The following SOX6 variants were observed in gnomAD, a reference collection of about 807,000 sequenced individuals.
SOX6 encodes the protein transcription factor SOX-6.
SOX6 carries 11 observed loss-of-function variants against 97.8 expected under a neutral mutation model. The observed-to-expected ratio is 0.11, with a 90% CI of 0.07 to 0.19. The LOEUF (loss-of-function observed/expected upper bound fraction) is 0.19, where lower values mean the gene tolerates loss of function less well. Among genes scored for constraint, SOX6 ranks in the 10% least tolerant of loss-of-function variants. The pLI, the probability that SOX6 is intolerant of heterozygous loss-of-function variation, is 1.00. For synonymous variants in SOX6, 360 were observed against 371.4 expected, an observed-to-expected ratio of 0.97 and a Z score of 0.35; for missense variants, 810 against 1,039.5, an observed-to-expected ratio of 0.78 and a Z score of 3.04.
At chr11:16,253,374 A>C (rs922842204) in intron 3 of SOX6, among the ~76,000 whole-genome samples, 2 of 152,020 alleles carry the variant, frequency 1.3e-5, no homozygotes, top group Non-Finnish European at 2.9e-5. Flanking sequence ...CTGAACAAGC[A>C]TCAGAGCCAG....
chr11:16,423,669 C>G (rs1195964953), intron 1 of SOX6, among the ~76,000 whole-genome samples: 1 of 152,032 alleles, frequency 6.6e-6, no homozygotes, highest in East Asian at 1.9e-4. Flanking sequence ...AAATGGTAAA[C>G]TTGCTGAATT....
Position 16,174,481 on chromosome 11 carries a change from C to T in SOX6, c.777+9405G>A, listed in dbSNP as rs537142047. On this transcript the variant is annotated intron_variant, in intron 6 of 15. Transcript: ENST00000683767. ...TACAAGTAAAAATCCATGACTCTAACATTAATAACTTTGAGTGGGAAGTTA... is the reference window on the plus strand; with the variant it reads ...TACAAGTAAAAATCCATGACTCTAATATTAATAACTTTGAGTGGGAAGTTA... Among the ~76,000 whole-genome samples, 15 of 152,012 alleles carry T rather than the reference C, an allele frequency of 9.9e-5. No individual in the cohort carries two copies. In the South Asian group the frequency reaches 1.7e-3, roughly 17 times the overall value.
intron 3 of SOX6, among the ~76,000 whole-genome samples, chr11:16,295,220 C>G (rs938133853): frequency 1.3e-5 from 2 of 152,084 alleles, no homozygotes; most frequent in East Asian, 3.9e-4. Context: ...GAAAGTTCTA[C>G]GAGACTTATT....
intron 3 of SOX6, among the ~76,000 whole-genome samples, chr11:16,270,806 T>C (rs886495138): frequency 1.3e-5 from 2 of 151,488 alleles, no homozygotes; most frequent in Non-Finnish European, 1.5e-5. Flanking sequence ...CCTAGTCATA[T>C]CTAGAATAAG....
intron 2 of SOX6, among the ~76,000 whole-genome samples, chr11:16,333,211 G>A (rs77393580): frequency 4.0e-4 from 61 of 152,248 alleles, no homozygotes; most frequent in Admixed American, 1.8e-3. Flanking sequence ...AATATGCTGC[G>A]TATCACAGTT....
chr11:16,429,672 A>G (rs1859229705), intron 1 of SOX6, among the ~76,000 whole-genome samples: 1 of 152,000 alleles, frequency 6.6e-6, no homozygotes, highest in Admixed American at 6.6e-5. Flanking sequence ...ACTGGGGCCT[A>G]TCAGAGGGTG....
intron 3 of SOX6, among the ~76,000 whole-genome samples, chr11:16,243,325 A>G (rs1235866093): frequency 1.3e-5 from 2 of 151,954 alleles, no homozygotes; most frequent in Non-Finnish European, 2.9e-5. Context: ...TCAAGTTTAT[A>G]CCACAATACG....
chr11:16,665,876 A>G (rs781019484), intron 3 of SOX6, among the ~76,000 whole-genome samples: 1 of 152,214 alleles, frequency 6.6e-6, no homozygotes, highest in Non-Finnish European at 1.5e-5. Context: ...ATAAGGAAAA[A>G]GAACAAGTGT....
At chr11:16,476,437 T>G (rs1368744050), upstream of SOX6, 1 of 152,174 alleles carries the variant, frequency 6.6e-6, no homozygotes, top group African/African-American at 2.4e-5. Flanking sequence ...TAAATTGCAT[T>G]TATATGCTTT....
intron 3 of SOX6, among the ~76,000 whole-genome samples, chr11:16,310,502 A>G (rs1855568520): frequency 6.6e-6 from 1 of 152,074 alleles, no homozygotes; most frequent in South Asian, 2.1e-4. Flanking sequence ...ATATGATACA[A>G]ATTTTTTAAA....
At chr11:16,430,269 C>A (rs1436864796) in intron 1 of SOX6, among the ~76,000 whole-genome samples, 1 of 152,152 alleles carries the variant, frequency 6.6e-6, no homozygotes, top group Non-Finnish European at 1.5e-5. Context: ...GAAGACTTAC[C>A]TAACTAGGTC....
At chr11:16,571,425 T>G (rs531146355) in intron 4 of SOX6, among the ~76,000 whole-genome samples, 6 of 152,172 alleles carry the variant, frequency 3.9e-5, no homozygotes, top group Non-Finnish European at 5.9e-5. Flanking sequence ...TGTTTGTTTA[T>G]TTCTGTTTTT....
chr11:16,441,864 A>G (rs1214923080), intron 1 of SOX6, among the ~76,000 whole-genome samples: 1 of 152,184 alleles, frequency 6.6e-6, no homozygotes. Context: ...ATCCTTAATA[A>G]CTGAAGACAT....
intron 3 of SOX6, among the ~76,000 whole-genome samples, chr11:16,286,232 G>A (rs1854738796): frequency 6.6e-6 from 1 of 152,100 alleles, no homozygotes; most frequent in Non-Finnish European, 1.5e-5. Context: ...AAGCATCTCA[G>A]TGTGTACTGG....
intron 4 of SOX6, among the ~76,000 whole-genome samples, chr11:16,535,240 A>G (rs1169069329): frequency 6.6e-6 from 1 of 152,228 alleles, no homozygotes; most frequent in African/African-American, 2.4e-5. Flanking sequence ...TACAAAATGT[A>G]TATAATTAGC....
At chr11:16,461,831 A>G (rs1859936119) in intron 1 of SOX6, among the ~76,000 whole-genome samples, 1 of 152,188 alleles carries the variant, frequency 6.6e-6, no homozygotes, top group Non-Finnish European at 1.5e-5. Flanking sequence ...ATGTAATTTA[A>G]TTAGCATTTT....
At chr11:16,593,483 G>A (rs1366930013) in intron 4 of SOX6, among the ~76,000 whole-genome samples, 3 of 150,178 alleles carry the variant, frequency 2.0e-5, no homozygotes, top group African/African-American at 4.9e-5. Flanking sequence ...TTATATAAAC[G>A]ATGGGAAGAA....
chr11:16,258,514 T>G (rs1853764969), intron 3 of SOX6, among the ~76,000 whole-genome samples: 1 of 151,880 alleles, frequency 6.6e-6, no homozygotes, highest in African/African-American at 2.4e-5. Flanking sequence ...AAAATAAAAC[T>G]ATGAAGATAT....
chr11:16,104,610 C>T (rs972440030), intron 7 of SOX6, among the ~76,000 whole-genome samples: 1 of 151,588 alleles, frequency 6.6e-6, no homozygotes, highest in East Asian at 1.9e-4. Context: ...CACACACACA[C>T]ATACACAGGT....
Sources: allele counts gnomAD v4.1 joint callset (sites outside exome capture counted in the v4.1 genomes callset), GRCh38; gene constraint gnomAD v4.1.1; transcripts MANE v1.5; gene names NCBI Gene and HGNC (gene_info 2026-07-23, HGNC 2026-07-21).